Variants in STEAP4 observed in about 807,000 individuals in gnomAD.
STEAP4 encodes STEAP4 metalloreductase, also known as metalloreductase STEAP4.
A neutral mutation model predicts 43.6 loss-of-function variants in STEAP4; 36 were observed. The ratio of observed to expected loss-of-function variants is 0.83; its 90% CI spans 0.63 to 1.09. STEAP4 has a LOEUF of 1.09. STEAP4 is among the 50% of genes least tolerant of loss of function. The pLI is 0.00. For missense variants in STEAP4, 495 were observed against 546.5 expected (o/e 0.91, Z 0.94); for synonymous variants, 191 against 196.7 (o/e 0.97, Z 0.24).
chr7:88,285,880 C>G (rs943852087), intron 1 of STEAP4, among the ~76,000 whole-genome samples: 2 of 151,832 alleles, frequency 1.3e-5, no homozygotes, highest in Non-Finnish European at 2.9e-5. Context: ...CATCTCAGGT[C>G]AATGAGAAAA....
intron 1 of STEAP4, among the ~76,000 whole-genome samples, chr7:88,294,775 A>G (rs1048756588): frequency 2.9e-4 from 44 of 152,272 alleles, no homozygotes; most frequent in African/African-American, 8.9e-4. Flanking sequence ...ATACCTATGC[A>G]TATAATGCCA....
At chr7:88,284,381 ATCTTAACT>A (rs1299322342) in intron 1 of STEAP4, 110 bp from the exon 2 acceptor site, 3 of 822,194 alleles carry the variant, frequency 3.6e-6, no homozygotes, top group Non-Finnish European at 5.4e-6. Flanking sequence ...TAATCTAATT[ATCTTAACT>A]ATATTTACCC....
intron 1 of STEAP4, among the ~76,000 whole-genome samples, chr7:88,305,577 A>C (rs1853115682): frequency 1.3e-5 from 2 of 152,232 alleles, no homozygotes; most frequent in Admixed American, 1.3e-4. Flanking sequence ...GAAAGCTGAG[A>C]GTATTCTCTG....
intron 1 of STEAP4, among the ~76,000 whole-genome samples, chr7:88,295,921 C>CT (rs1852916531): frequency 1.3e-5 from 2 of 152,152 alleles, no homozygotes; most frequent in Admixed American, 1.3e-4. Context: ...ATTTTTTCCT[C>CT]TAAGTCTTCT....
intron 3 of STEAP4, chr7:88,282,112 C>T (rs1203690719): frequency 6.5e-6 from 1 of 152,714 alleles, no homozygotes; most frequent in Non-Finnish European, 1.5e-5. Context: ...AGATCTGGAC[C>T]CAAGCGAACC....
chr7:88,293,692 A>G (rs866271552), intron 1 of STEAP4, among the ~76,000 whole-genome samples: 3 of 152,268 alleles, frequency 2.0e-5, no homozygotes, highest in Non-Finnish European at 2.9e-5. Context: ...TGAAAAGACT[A>G]TCCTTATTTT....
At position 88,272,962 on chromosome 7, in the gene STEAP4, G is replaced by A. The variant is rs1852459254; in HGVS notation, c.*6436C>T. The stretch of plus-strand genomic sequence containing the variant: ...CTATAGAAAATTCCTGCATTTGGTA[G>A]CAGATCTCTTCTGCTTTTTTATTTT... On this transcript the variant is annotated 3_prime_UTR_variant, in exon 5 of 5. Transcript: ENST00000380079. The A allele has an allele frequency of 6.6e-6, 1 of 152,182 alleles. No individual in the cohort carries two copies. 9.4% of individuals were successfully genotyped at this position (152,182 alleles called of 1,614,324 possible).
chr7:88,284,433 AT>A (rs1343724337), intron 1 of STEAP4, among the ~76,000 whole-genome samples, 162 bp from the exon 2 acceptor site: 1 of 152,118 alleles, frequency 6.6e-6, no homozygotes, highest in Non-Finnish European at 1.5e-5. Flanking sequence ...TGTCATATAT[AT>A]TTCCCCCCAA....
intron 4 of STEAP4, 154 bp from the exon 5 acceptor site, chr7:88,279,782 C>A (rs944391789): frequency 1.5e-4 from 93 of 622,574 alleles, no homozygotes; most frequent in Non-Finnish European, 2.2e-5. Context: ...AAGCACTAAC[C>A]CTTCTTCAGG....
intron 1 of STEAP4, among the ~76,000 whole-genome samples, chr7:88,299,835 C>G (rs560248062): frequency 6.6e-6 from 1 of 152,228 alleles, no homozygotes; most frequent in Admixed American, 6.5e-5. Context: ...ACCCCACCCC[C>G]ATTCCTTGCT....
In STEAP4 at chr7:88,288,694, C is replaced by G. The variant is rs538804180; in HGVS notation, c.-2-4423G>C. On this transcript the variant is annotated intron_variant, in intron 1 of 4. Coordinates refer to ENST00000380079, the MANE Select transcript of STEAP4 (RefSeq NM_024636.4). The stretch of plus-strand genomic sequence containing the variant: ...GAACTGGAAAAAATATTTTTCAACT[C>G]ATATAAATCAATGAGAAAAAAACAA... Among the ~76,000 whole-genome samples, 456 of 152,138 alleles carry G rather than the reference C, an allele frequency of 3.0e-3. 3 individuals carry two copies. The highest frequency in any genetic ancestry group is 0.011 in the African/African-American group (443 of 41,512).
rs538805987 is a variant in STEAP4, at chr7:88,279,970, T to G, written c.1150-342A>C. Among the ~76,000 whole-genome samples the G allele has an allele frequency of 5.3e-5, 8 of 152,302 alleles. No individual in the cohort carries two copies. The East Asian group carries it at 1.4e-3, about 26-fold the overall frequency. ...TTTTATTTATCATCTTTTCTAGAGG[T>G]CAGAGATGAATATGACACAGTATGA... On this transcript the variant is annotated intron_variant, in intron 4 of 4. Coordinates refer to ENST00000380079, the MANE Select transcript of STEAP4 (RefSeq NM_024636.4).
chr7:88,301,748 G>A (rs1156705223), intron 1 of STEAP4, among the ~76,000 whole-genome samples: 1 of 151,910 alleles, frequency 6.6e-6, no homozygotes, highest in Non-Finnish European at 1.5e-5. Context: ...GCTAATTTTT[G>A]TATTTTTGGT....
chr7:88,280,460 G>A (rs1343652936), intron 4 of STEAP4, among the ~76,000 whole-genome samples: 2 of 152,178 alleles, frequency 1.3e-5, no homozygotes, highest in African/African-American at 4.8e-5. Context: ...GTTACTAACT[G>A]CCTTTAAAGA....
intron 1 of STEAP4, among the ~76,000 whole-genome samples, chr7:88,300,247 C>T (rs534279306): frequency 1.9e-4 from 29 of 152,276 alleles, no homozygotes; most frequent in East Asian, 3.9e-4. Flanking sequence ...CTTGCTCTGT[C>T]GCCGAAGCTG....
At chr7:88,287,150 C>CAG (rs1852750790) in intron 1 of STEAP4, among the ~76,000 whole-genome samples, 1 of 152,182 alleles carries the variant, frequency 6.6e-6, no homozygotes, top group Admixed American at 6.5e-5. Flanking sequence ...GCTACAGCTA[C>CAG]AGACACCCAG....
intron 1 of STEAP4, among the ~76,000 whole-genome samples, chr7:88,286,430 A>G (rs1404520649): frequency 1.3e-5 from 2 of 152,050 alleles, no homozygotes; most frequent in Non-Finnish European, 2.9e-5. Context: ...ACTTCAGGAT[A>G]TCTAATTTTT....
At chr7:88,283,253 C>A in intron 2 of STEAP4, 85 bp from the exon 3 acceptor site, 6 of 1,334,180 alleles carry the variant, frequency 4.5e-6, no homozygotes, top group South Asian at 3.4e-5. Flanking sequence ...CAGCACCATG[C>A]CAAATGATGA....
Position 88,284,857 on chromosome 7 carries a change from A to G in STEAP4, c.-2-586T>C, listed in dbSNP as rs572447648. On this transcript the variant is annotated intron_variant, in intron 1 of 4. Coordinates refer to ENST00000380079, the MANE Select transcript of STEAP4 (RefSeq NM_024636.4). ...CAACATTTATTCTTGATTCATAGTG[A>G]AAGAGAAATACATAGATATTTCCTT... 1.3e-4 allele frequency among the ~76,000 whole-genome samples: 20 copies of G among 152,288 alleles called. No homozygotes were observed. The East Asian group carries it at 3.7e-3, about 28-fold the overall frequency.
Sources: allele counts gnomAD v4.1 joint callset (sites outside exome capture counted in the v4.1 genomes callset), GRCh38; gene constraint gnomAD v4.1.1; transcripts MANE v1.5; gene names NCBI Gene and HGNC (gene_info 2026-07-23, HGNC 2026-07-21).